PSIP1: variants seen among roughly 807,000 people sequenced by gnomAD.
PSIP1 encodes the protein PC4 and SRSF1 interacting protein 1.
PSIP1 carries 19 observed loss-of-function variants against 74.7 expected under a neutral mutation model. The observed-to-expected ratio is 0.25, with a 90% confidence interval of 0.18 to 0.37. The LOEUF (loss-of-function observed/expected upper bound fraction) is 0.37. PSIP1 is among the 10% of genes least tolerant of loss of function. PSIP1 has a pLI of 1.00. For synonymous variants in PSIP1, 222 were observed against 195.3 expected, an observed-to-expected ratio of 1.14 and a Z score of -1.14; for missense variants, 601 against 614.3, an observed-to-expected ratio of 0.98 and a Z score of 0.23.
chr9:15,472,671 TCTG>T lies in PSIP1; in HGVS notation c.935_937del (p.Ala312del), dbSNP rs1289336306. On this transcript the variant is annotated inframe_deletion, in exon 10 of 16. Coordinates refer to ENST00000380733, the MANE Select transcript of PSIP1 (RefSeq NM_033222.5). ...TTGTTCCTCTTGCTTGCGTTTTCGA[TCTG>T]CTGCTTCTTTCTCATGTTGGCCTTT... 2 of 1,607,294 alleles carry T rather than the reference TCTG, an allele frequency of 1.2e-6. No individual in the cohort carries two copies. Among genetic ancestry groups the T allele is most frequent in the Admixed American group, 3.4e-5 (2 of 58,242 alleles).
chr9:15,486,598 T>A (rs1387511496), intron 5 of PSIP1, among the ~76,000 whole-genome samples: 1 of 152,170 alleles, frequency 6.6e-6, no homozygotes. Context: ...ACTTCATGTT[T>A]TACATATAAA....
At chr9:15,496,962 C>CAATT (rs1230797447) in intron 3 of PSIP1, among the ~76,000 whole-genome samples, 2 of 152,254 alleles carry the variant, frequency 1.3e-5, no homozygotes, top group East Asian at 3.9e-4. Context: ...AACCCTCCTA[C>CAATT]AATTGCTGGT....
chr9:15,486,717 A>T, intron 5 of PSIP1, 110 bp downstream of exon 5: 1 of 761,900 alleles, frequency 1.3e-6, no homozygotes. Context: ...TTTCTAATTC[A>T]CTTTTGAAGT....
chr9:15,469,750 TCAAG>T (rs760098029), intron 11 of PSIP1, among the ~76,000 whole-genome samples, 184 bp downstream of exon 11: 2 of 152,084 alleles, frequency 1.3e-5, no homozygotes, highest in African/African-American at 4.8e-5. Flanking sequence ...CATAAACAAC[TCAAG>T]CAAGTTCACT....
chr9:15,496,832 C>T (rs1017336829), intron 3 of PSIP1, among the ~76,000 whole-genome samples: 15 of 152,114 alleles, frequency 9.9e-5, no homozygotes, highest in African/African-American at 3.4e-4. Flanking sequence ...CATAATTCAA[C>T]ATCATTAAGT....
At chr9:15,487,887 T>TA (rs769200124) in intron 4 of PSIP1, among the ~76,000 whole-genome samples, 15 of 152,114 alleles carry the variant, frequency 9.9e-5, no homozygotes, top group Non-Finnish European at 1.8e-4. Context: ...CATTAACAAG[T>TA]AAGTACTGGG....
chr9:15,507,155 T>C (rs1426537281), intron 2 of PSIP1, among the ~76,000 whole-genome samples: 4 of 152,246 alleles, frequency 2.6e-5, no homozygotes, highest in Non-Finnish European at 5.9e-5. Flanking sequence ...AAACTTACTA[T>C]GAAAAGATCC....
At chr9:15,508,862 T>G (rs946693723) in intron 2 of PSIP1, among the ~76,000 whole-genome samples, 1 of 152,146 alleles carries the variant, frequency 6.6e-6, no homozygotes, top group African/African-American at 2.4e-5. Context: ...AACAAAAGAT[T>G]ATCACGAAAG....
chr9:15,507,259 C>G (rs2037635844), intron 2 of PSIP1, among the ~76,000 whole-genome samples: 1 of 152,204 alleles, frequency 6.6e-6, no homozygotes, highest in East Asian at 1.9e-4. Context: ...TCATCAGGTG[C>G]TGTCACGTCT....
intron 3 of PSIP1, among the ~76,000 whole-genome samples, chr9:15,499,628 C>A (rs924114311): frequency 4.6e-5 from 7 of 152,092 alleles, no homozygotes; most frequent in African/African-American, 1.2e-4. Flanking sequence ...AATCCCAACA[C>A]TTTAGGAGGC....
At chr9:15,494,434 A>G (rs1435662204) in intron 3 of PSIP1, among the ~76,000 whole-genome samples, 1 of 151,888 alleles carries the variant, frequency 6.6e-6, no homozygotes, top group African/African-American at 2.4e-5. Context: ...GCGTGGTGGC[A>G]CACACCTGTA....
chr9:15,471,441 G>A, intron 10 of PSIP1: 1 of 1,440,218 alleles, frequency 6.9e-7, no homozygotes, highest in Non-Finnish European at 9.2e-7. Context: ...AGATACTAAA[G>A]AAGGGTTGGG....
In PSIP1 at chr9:15,474,151, T is replaced by C; in HGVS notation, c.716A>G (p.Lys239Arg). Residue 239 changes from lysine to arginine, a missense_variant, in exon 9 of 16, where the codon AAG becomes AGG. This residue lies in a region of PSIP1 where 538 missense variants were observed against 507.6 expected (regional missense o/e 1.06). Transcript: ENST00000380733. ...CTCTTTTCTTGGCTTATCTTCTTCC[T>C]TCTGGCCCTCTTCATCCTTCTTAGG... ...KQPKKDEEGQ[K>R]EEDKPRKEPD... The C allele has an allele frequency of 6.2e-7, 1 of 1,613,726 alleles. No homozygotes were observed.
intron 14 of PSIP1, 136 bp from the exon 15 acceptor site, chr9:15,466,995 C>A: frequency 1.5e-6 from 1 of 662,022 alleles, no homozygotes. Context: ...TTTGAAATTA[C>A]ATTGTAATAC....
intron 3 of PSIP1, among the ~76,000 whole-genome samples, chr9:15,491,669 C>T (rs2132150775): frequency 6.6e-6 from 1 of 152,328 alleles, no homozygotes; most frequent in African/African-American, 2.4e-5. Context: ...GAAAAACCCA[C>T]TCTAAAGTCA....
chr9:15,502,593 G>A (rs1586859511), intron 3 of PSIP1, among the ~76,000 whole-genome samples: 1 of 152,182 alleles, frequency 6.6e-6, no homozygotes, highest in East Asian at 1.9e-4. Context: ...ATTTACAGAA[G>A]TAATTACGCA....
At chr9:15,467,670 A>G (rs2035691723) in intron 14 of PSIP1, among the ~76,000 whole-genome samples, 1 of 152,258 alleles carries the variant, frequency 6.6e-6, no homozygotes, top group Non-Finnish European at 1.5e-5. Flanking sequence ...AGTTATTTCT[A>G]TTTGTATAAG....
intron 14 of PSIP1, among the ~76,000 whole-genome samples, chr9:15,467,177 T>G (rs909323): frequency 0.11 from 17,168 of 152,184 alleles, 1,806 homozygotes; most frequent in African/African-American, 0.28. Flanking sequence ...TTACCAGGAA[T>G]ACTACAGGGT....
At chr9:15,506,670 T>C (rs762947706) in intron 2 of PSIP1, 33 bp from the exon 3 acceptor site, 1 of 1,457,708 alleles carries the variant, frequency 6.9e-7, no homozygotes, top group South Asian at 1.1e-5. Flanking sequence ...TAAAATATTT[T>C]AAATCATACA....
Sources: allele counts gnomAD v4.1 joint callset (sites outside exome capture counted in the v4.1 genomes callset), GRCh38; gene constraint gnomAD v4.1.1; regional missense constraint gnomAD v4.1.1; transcripts MANE v1.5; gene names NCBI Gene and HGNC (gene_info 2026-07-23, HGNC 2026-07-21).